SNX29: variants seen among roughly 807,000 people sequenced by gnomAD.
The protein encoded by SNX29 is sorting nexin-29.
Under a neutral mutation model 102.1 loss-of-function variants are expected in SNX29, and 78 were observed. The ratio of observed to expected loss-of-function variants is 0.76; its 90% CI spans 0.64 to 0.92. SNX29 has a LOEUF of 0.92. Ranked by LOEUF, SNX29 falls within the 40% of genes least tolerant of loss-of-function variation. The probability of loss-of-function intolerance (pLI) is 0.00; values close to 1 mark genes in which losing one functional copy is unlikely to be tolerated. For missense variants in SNX29, 1,280 were observed against 1,061.7 expected, an observed-to-expected ratio of 1.21 and a Z score of -2.86; for synonymous variants, 580 against 414.5, an observed-to-expected ratio of 1.40 and a Z score of -4.85.
chr16:12,207,519 C>T (rs953240391), intron 14 of SNX29, among the ~76,000 whole-genome samples: 2 of 152,182 alleles, frequency 1.3e-5, no homozygotes, highest in Admixed American at 6.5e-5. Flanking sequence ...CATCTCCGTT[C>T]CCGACCCTTC....
chr16:12,286,118 C>T (rs900093523), intron 15 of SNX29, among the ~76,000 whole-genome samples: 38 of 151,986 alleles, frequency 2.5e-4, no homozygotes, highest in African/African-American at 7.7e-4. Context: ...GCTGGGATTA[C>T]AGGTGTGAGC....
chr16:12,026,118 G>C (rs1161419060), intron 3 of SNX29, among the ~76,000 whole-genome samples: 1 of 152,202 alleles, frequency 6.6e-6, no homozygotes, highest in East Asian at 1.9e-4. Flanking sequence ...GGCCAGGCAA[G>C]GCTGAGCCGG....
intron 16 of SNX29, among the ~76,000 whole-genome samples, chr16:12,389,243 A>G (rs2083440705): frequency 6.6e-6 from 1 of 152,162 alleles, no homozygotes; most frequent in Non-Finnish European, 1.5e-5. Flanking sequence ...TAAGGATGAA[A>G]TAGTGCATGA....
At chr16:12,250,217 G>A (rs2078381035) in intron 14 of SNX29, among the ~76,000 whole-genome samples, 1 of 152,238 alleles carries the variant, frequency 6.6e-6, no homozygotes, top group Non-Finnish European at 1.5e-5. Context: ...GAGCGGGCAC[G>A]GGAGTTGAAA....
intron 16 of SNX29, among the ~76,000 whole-genome samples, chr16:12,363,787 T>C (rs1289032356): frequency 6.6e-6 from 1 of 152,216 alleles, no homozygotes; most frequent in Non-Finnish European, 1.5e-5. Context: ...TCTGAAATAC[T>C]TGGGACCACA....
chr16:12,558,811 T>TC (rs2078537662), intron 20 of SNX29, among the ~76,000 whole-genome samples: 1 of 152,114 alleles, frequency 6.6e-6, no homozygotes. Flanking sequence ...TGATAAGGGC[T>TC]CCCTAGGGGC....
intron 20 of SNX29, among the ~76,000 whole-genome samples, chr16:12,533,676 A>C (rs1255149876): frequency 6.6e-6 from 1 of 152,172 alleles, no homozygotes; most frequent in Non-Finnish European, 1.5e-5. Flanking sequence ...TAGGCACCCC[A>C]AATTTACCTC....
chr16:12,289,931 A>G (rs1448545949), intron 15 of SNX29, among the ~76,000 whole-genome samples: 1 of 152,104 alleles, frequency 6.6e-6, no homozygotes, highest in South Asian at 2.1e-4. Context: ...GCTGTCCTGA[A>G]TGCTGCATGA....
At chr16:12,558,490 AT>A (rs2078514248) in intron 20 of SNX29, among the ~76,000 whole-genome samples, 3 of 152,222 alleles carry the variant, frequency 2.0e-5, no homozygotes, top group African/African-American at 7.2e-5. Flanking sequence ...AGCACAGTGC[AT>A]CTTTAGTTTT....
chr16:12,001,996 G>A (rs72784614), intron 2 of SNX29, among the ~76,000 whole-genome samples: 13,017 of 147,658 alleles, frequency 0.088, 601 homozygotes, highest in African/African-American at 0.1. Flanking sequence ...CTTCAGCCTC[G>A]GTGACAGAGA....
chr16:12,308,086 A>G (rs1429416779), intron 15 of SNX29, among the ~76,000 whole-genome samples: 1 of 152,206 alleles, frequency 6.6e-6, no homozygotes, highest in Non-Finnish European at 1.5e-5. Flanking sequence ...CTCCCAGTGT[A>G]ACAGTAGCCT....
chr16:11,997,185 T>C (rs894841900), intron 1 of SNX29, among the ~76,000 whole-genome samples: 5 of 152,156 alleles, frequency 3.3e-5, no homozygotes, highest in African/African-American at 1.2e-4. Context: ...TGCTTTTTGC[T>C]CAAGCCACAG....
chr16:12,559,746 C>G (rs934869342), intron 20 of SNX29, among the ~76,000 whole-genome samples: 1 of 152,102 alleles, frequency 6.6e-6, no homozygotes, highest in African/African-American at 2.4e-5. Context: ...ATAGTGATGC[C>G]CAGCCTGACA....
At chr16:12,336,078 G>C (rs563910932) in intron 15 of SNX29, among the ~76,000 whole-genome samples, 2 of 152,102 alleles carry the variant, frequency 1.3e-5, no homozygotes, top group African/African-American at 2.4e-5. Flanking sequence ...AGAAGAACCA[G>C]CTGGCATTTT....
At chr16:12,330,999 A>G (rs927823746) in intron 15 of SNX29, among the ~76,000 whole-genome samples, 26 of 152,224 alleles carry the variant, frequency 1.7e-4, no homozygotes, top group African/African-American at 6.3e-4. Context: ...ACTGGGAGCA[A>G]TTCAGTTTCT....
intron 11 of SNX29, among the ~76,000 whole-genome samples, chr16:12,121,424 G>T (rs1225772820): frequency 6.6e-6 from 1 of 152,234 alleles, no homozygotes; most frequent in East Asian, 1.9e-4. Context: ...TTTATTCCCT[G>T]TGGCCATGCG....
chr16:12,539,125 TTTTAA>T (rs1379030705), intron 20 of SNX29, among the ~76,000 whole-genome samples: 3 of 151,864 alleles, frequency 2.0e-5, no homozygotes, highest in Non-Finnish European at 3.0e-5. Flanking sequence ...CACAAAAAAT[TTTTAA>T]TTTACACAGT....
chr16:12,499,066 C>T (rs948961181), intron 19 of SNX29, among the ~76,000 whole-genome samples: 1 of 152,168 alleles, frequency 6.6e-6, no homozygotes, highest in Non-Finnish European at 1.5e-5. Flanking sequence ...CTCATTTCCA[C>T]CTTTCATTCC....
intron 4 of SNX29, among the ~76,000 whole-genome samples, chr16:12,037,356 T>A (rs781537053): frequency 6.6e-6 from 1 of 152,128 alleles, no homozygotes; most frequent in Non-Finnish European, 1.5e-5. Context: ...TCTTTTCTGG[T>A]GGCTCTGGTA....
Sources: allele counts gnomAD v4.1 joint callset (sites outside exome capture counted in the v4.1 genomes callset), GRCh38; gene constraint gnomAD v4.1.1; transcripts MANE v1.5; gene names NCBI Gene and HGNC (gene_info 2026-07-23, HGNC 2026-07-21).